Variants in FMN2 observed in about 807,000 individuals in gnomAD.
FMN2 encodes the protein formin-2.
FMN2 carries 51 observed loss-of-function variants against 142.3 expected under a neutral mutation model. That is an observed-to-expected ratio of 0.36 (90% CI 0.29 to 0.45). FMN2 has a LOEUF of 0.45. Among genes scored for constraint, FMN2 ranks in the 20% least tolerant of loss-of-function variants. The pLI, the probability that FMN2 is intolerant of heterozygous loss-of-function variation, is 1.00. For synonymous variants in FMN2, 882 were observed against 869.8 expected (o/e 1.01, Z -0.25); for missense variants, 1,936 against 2,122.8 (o/e 0.91, Z 1.73).
chr1:240,328,957 T>C, intron 8 of FMN2, 119 bp from the exon 9 acceptor site: 1 of 849,788 alleles, frequency 1.2e-6, no homozygotes, highest in Non-Finnish European at 1.8e-6. Flanking sequence ...CTAAGAAACA[T>C]GAAAATATAT....
intron 8 of FMN2, among the ~76,000 whole-genome samples, chr1:240,317,037 T>C (rs1334225298): frequency 6.6e-6 from 1 of 152,162 alleles, no homozygotes; most frequent in African/African-American, 2.4e-5. Flanking sequence ...GACGAGTGGG[T>C]GGCTCATGCC....
chr1:240,290,006 C>T (rs553891113), intron 7 of FMN2, among the ~76,000 whole-genome samples: 2 of 152,220 alleles, frequency 1.3e-5, no homozygotes, highest in South Asian at 4.2e-4. Context: ...AAGGCAGCCA[C>T]GGAGGAGAAC....
rs1558452494 is a variant in FMN2, at chr1:240,361,141, G to GAAATAAA, written c.4858+5233_4858+5234insAAATAAA. Among the ~76,000 whole-genome samples the GAAATAAA allele has an allele frequency of 5.5e-3, 239 of 43,202 alleles. 1 individual carries two copies. The highest frequency in any genetic ancestry group is 0.035 in the African/African-American group (229 of 6,558). 28.3% of individuals were successfully genotyped at this position (43,202 alleles called of 152,430 possible). A position where few individuals can be genotyped will look rare whatever the true frequency, so the allele number is the denominator to read the frequency against. On this transcript the variant is annotated intron_variant, in intron 14 of 17. Coordinates refer to ENST00000319653, the MANE Select transcript of FMN2 (RefSeq NM_020066.5). ...ATAATAATAATAAATAAATATATGT[G>GAAATAAA]TATATATATATATATATATATATAT...
intron 16 of FMN2, among the ~76,000 whole-genome samples, chr1:240,440,843 A>T (rs1675585546): frequency 6.6e-6 from 1 of 152,158 alleles, no homozygotes; most frequent in Admixed American, 6.5e-5. Flanking sequence ...ACTTCTTAGG[A>T]AACAGTGAAA....
At chr1:240,418,743 C>G (rs1476166631) in intron 15 of FMN2, among the ~76,000 whole-genome samples, 1 of 152,144 alleles carries the variant, frequency 6.6e-6, no homozygotes, top group Non-Finnish European at 1.5e-5. Context: ...TTATTTTAAA[C>G]TGACTCTTAA....
rs545219042 is a variant in FMN2 at position 240,207,863 on chromosome 1, G to A, written c.3051G>A (p.Ala1017=). 6.8e-4 allele frequency: 213 copies of A among 311,888 alleles called. 4 individuals carry two copies. The highest frequency in any genetic ancestry group is 2.4e-3 in the East Asian group (31 of 12,822). The allele number at this position is 311,888 out of a possible 1,614,324, so 19.3% of individuals were successfully genotyped here. Residue 1017 remains alanine (A), a synonymous_variant, in exon 5 of 18, where the codon GCG becomes GCA. Coordinates refer to ENST00000319653, the MANE Select transcript of FMN2 (RefSeq NM_020066.5). ...CCCCTCCTCCCCCTCTTCCCGGAGC[G>A]GGCATACCTCCTCCACCCCCTCTAC... ...GIPPPPPLPG[A]GIPPPPPLPG...
chr1:240,307,164 G>A (rs1670437193), intron 8 of FMN2, among the ~76,000 whole-genome samples: 1 of 152,148 alleles, frequency 6.6e-6, no homozygotes, highest in Admixed American at 6.5e-5. Flanking sequence ...CAGATGCATA[G>A]TTTGCAAATA....
chr1:240,185,358 T>C (rs1665395712), intron 3 of FMN2, among the ~76,000 whole-genome samples: 1 of 152,202 alleles, frequency 6.6e-6, no homozygotes, highest in African/African-American at 2.4e-5. Context: ...CCTCTAGAAC[T>C]CCTATTTTCC....
chr1:240,120,278 G>T (rs1376743714), intron 1 of FMN2, among the ~76,000 whole-genome samples: 1 of 152,212 alleles, frequency 6.6e-6, no homozygotes, highest in African/African-American at 2.4e-5. Context: ...ACTTGGCCTG[G>T]TTTTGCAAAG....
At chr1:240,297,170 GGTGT>G (rs1338751239) in intron 8 of FMN2, among the ~76,000 whole-genome samples, 2 of 151,738 alleles carry the variant, frequency 1.3e-5, no homozygotes, top group Non-Finnish European at 2.9e-5. Flanking sequence ...GTGTATACAT[GGTGT>G]GTGTGTGTAT....
At chr1:240,170,096 C>G in intron 2 of FMN2, 1 of 599,784 alleles carries the variant, frequency 1.7e-6, no homozygotes, top group East Asian at 2.8e-5. Flanking sequence ...AGCAACAGTT[C>G]CTCTCAGACA....
chr1:240,216,165 T>C (rs1666887355), intron 6 of FMN2, among the ~76,000 whole-genome samples: 1 of 152,156 alleles, frequency 6.6e-6, no homozygotes, highest in Admixed American at 6.6e-5. Context: ...ATATAAATAG[T>C]GGTTAGAGGC....
Position 240,092,770 on chromosome 1 carries a change from C to CAGG in FMN2, c.663_664insGAG (p.Gln221_Gln222insGlu), listed in dbSNP as rs1366676226. The CAGG allele has an allele frequency of 7.5e-6, 12 of 1,606,346 alleles. No individual in the cohort carries two copies. Among genetic ancestry groups the CAGG allele is most frequent in the African/African-American group, 5.3e-5 (4 of 74,940 alleles). On this transcript the variant is annotated inframe_insertion, in exon 1 of 18. Transcript: ENST00000319653. ...GCTCCAGCTCCAGCTCCAGCAACAGCAGCAGCAGCAGCAGCTCCAGGGCGC... is the reference window on the plus strand; with the variant it reads ...GCTCCAGCTCCAGCTCCAGCAACAGCAGGAGCAGCAGCAGCAGCTCCAGGGCGC...
At chr1:240,190,089 A>G (rs1288167721) in intron 4 of FMN2, among the ~76,000 whole-genome samples, 1 of 152,218 alleles carries the variant, frequency 6.6e-6, no homozygotes, top group Non-Finnish European at 1.5e-5. Context: ...ATACATATTC[A>G]TGTGTGTAAC....
intron 6 of FMN2, among the ~76,000 whole-genome samples, chr1:240,243,905 A>G (rs1456656): frequency 0.7 from 106,062 of 152,052 alleles, 37,802 homozygotes; most frequent in African/African-American, 0.84. Flanking sequence ...TTACTATTTC[A>G]TATTTACTTA....
At chr1:240,459,992 A>G (rs1433069848) in intron 16 of FMN2, among the ~76,000 whole-genome samples, 2 of 152,286 alleles carry the variant, frequency 1.3e-5, no homozygotes, top group East Asian at 1.9e-4. Context: ...TCAGATTTAT[A>G]CTGACTACAA....
At chr1:240,215,905 C>T (rs552395461) in intron 6 of FMN2, among the ~76,000 whole-genome samples, 4 of 151,984 alleles carry the variant, frequency 2.6e-5, no homozygotes, top group Non-Finnish European at 5.9e-5. Flanking sequence ...GACGTGGTTT[C>T]GCCATGTTGA....
At chr1:240,265,932 T>TC (rs11389585) in intron 7 of FMN2, among the ~76,000 whole-genome samples, 1 of 150,296 alleles carries the variant, frequency 6.7e-6, no homozygotes, top group African/African-American at 2.4e-5. Context: ...TTTTTTTTTT[T>TC]CCTTTTTTCA....
chr1:240,309,960 A>G (rs1670546293), intron 8 of FMN2, among the ~76,000 whole-genome samples: 1 of 152,168 alleles, frequency 6.6e-6, no homozygotes, highest in African/African-American at 2.4e-5. Flanking sequence ...AGTGACATGC[A>G]CGGGCTTAGA....
Sources: allele counts gnomAD v4.1 joint callset (sites outside exome capture counted in the v4.1 genomes callset), GRCh38; gene constraint gnomAD v4.1.1; transcripts MANE v1.5; gene names NCBI Gene and HGNC (gene_info 2026-07-23, HGNC 2026-07-21).